The following XIRP2 variants were observed in gnomAD, a reference collection of about 807,000 sequenced individuals.
The protein encoded by XIRP2 is xin actin-binding repeat-containing protein 2.
Under a neutral mutation model 277.0 loss-of-function variants are expected in XIRP2, and 236 were observed. That is an observed-to-expected ratio of 0.85 (90% confidence interval 0.77 to 0.95). The LOEUF (loss-of-function observed/expected upper bound fraction) is 0.95, where lower values mean the gene tolerates loss of function less well. Among genes scored for constraint, XIRP2 ranks in the 40% least tolerant of loss-of-function variants. XIRP2 has a pLI of 0.00. For missense variants in XIRP2, 4,640 were observed against 4,157.5 expected (o/e 1.12, Z -3.19); for synonymous variants, 1,490 against 1,416.5 (o/e 1.05, Z -1.17).
chr2:167,173,657 A>T (rs189313951), intron 3 of XIRP2, among the ~76,000 whole-genome samples: 66 of 152,174 alleles, frequency 4.3e-4, no homozygotes, highest in East Asian at 5.8e-4. Context: ...CAGCAGTGGG[A>T]TTGTTGGATA....
intron 2 of XIRP2, among the ~76,000 whole-genome samples, chr2:166,955,683 A>G (rs1019357574): frequency 7.2e-5 from 11 of 151,860 alleles, no homozygotes; most frequent in Non-Finnish European, 1.6e-4. Context: ...CATCTTTTCT[A>G]TACCCTCGTA....
chr2:167,137,537 A>C (rs565617967), intron 3 of XIRP2, among the ~76,000 whole-genome samples: 1 of 152,316 alleles, frequency 6.6e-6, no homozygotes, highest in East Asian at 1.9e-4. Flanking sequence ...TACATGAGAT[A>C]ATTAACTCCA....
chr2:167,043,662 C>T (rs1294258947), intron 2 of XIRP2, among the ~76,000 whole-genome samples: 1 of 151,896 alleles, frequency 6.6e-6, no homozygotes, highest in Non-Finnish European at 1.5e-5. Flanking sequence ...AATGCCTGAA[C>T]AGACCAATAA....
chr2:166,981,531 C>T (rs952454454), intron 2 of XIRP2, among the ~76,000 whole-genome samples: 25 of 152,202 alleles, frequency 1.6e-4, no homozygotes, highest in Admixed American at 7.2e-4. Flanking sequence ...AAGCAATTCT[C>T]CTGCCTCGGC....
chr2:167,032,491 C>G (rs1312423046), intron 2 of XIRP2, among the ~76,000 whole-genome samples: 2 of 152,058 alleles, frequency 1.3e-5, no homozygotes, highest in African/African-American at 4.8e-5. Flanking sequence ...GCAAAAGAAC[C>G]TATCATCAGA....
At chr2:167,241,731 T>C (rs1406437438) in intron 7 of XIRP2, 46 bp from the exon 8 acceptor site, 3 of 1,557,004 alleles carry the variant, frequency 1.9e-6, no homozygotes, top group Non-Finnish European at 2.6e-6. Context: ...TTAAACATAA[T>C]TTTTAGTAAT....
chr2:167,131,457 A>G (rs920786200), intron 2 of XIRP2, among the ~76,000 whole-genome samples: 4 of 152,102 alleles, frequency 2.6e-5, no homozygotes, highest in African/African-American at 9.7e-5. Context: ...AGTGAGCTCC[A>G]TTCACCATCT....
intron 9 of XIRP2, among the ~76,000 whole-genome samples, 174 bp from the exon 10 acceptor site, chr2:167,253,858 C>G (rs1003617486): frequency 1.3e-5 from 2 of 151,580 alleles, no homozygotes; most frequent in African/African-American, 2.4e-5. Context: ...CCTAGCAGAC[C>G]GTTAAACCTG....
At chr2:167,011,796 G>C (rs896300554) in intron 2 of XIRP2, among the ~76,000 whole-genome samples, 53 of 151,626 alleles carry the variant, frequency 3.5e-4, no homozygotes, top group East Asian at 2.0e-3. Context: ...CTGGTTTAGT[G>C]TTGGGAGGGT....
Position 167,250,115 on chromosome 2 carries a change from A to G in XIRP2, c.8723A>G (p.Gln2908Arg). Residue 2908 changes from glutamine to arginine, a missense_variant, in exon 9 of 11, where the codon CAA becomes CGA. By Grantham distance (43) the Gln-to-Arg change is conservative. Transcript: ENST00000409195. The part of the protein sequence containing the change: ...CLEVKGIQEK[Q>R]VFSNTKDSKQ... Reference sequence around the variant, plus strand: ...GAAGTCAAGGGCATACAAGAGAAACAAGTCTTCTCTAATACTAAAGATTCA... The same window carrying G: ...GAAGTCAAGGGCATACAAGAGAAACGAGTCTTCTCTAATACTAAAGATTCA... 6.2e-7 allele frequency: 1 copy of G among 1,613,360 alleles called. No homozygotes were observed. Among genetic ancestry groups the G allele is most frequent in the Non-Finnish European group, 8.5e-7 (1 of 1,179,652 alleles).
chr2:167,105,938 C>T (rs972465514), intron 2 of XIRP2, among the ~76,000 whole-genome samples: 4 of 151,406 alleles, frequency 2.6e-5, no homozygotes, highest in Non-Finnish European at 5.9e-5. Context: ...TAGTCATTAC[C>T]ATCTGTATAT....
rs371745736 is a variant in XIRP2 at position 167,244,431 on chromosome 2, T to A, written c.3039T>A (p.Asp1013Glu). ...AGCAAGAAGAAATCGTAAGAGGTGA[T>A]GTAAGAAGCTGTAGGTGGCTTTTTG... ...TVQQEEIVRG[D>E]VRSCRWLFET... is the part of the protein sequence containing the mutation. Residue 1013 changes from aspartate (D) to glutamate (E), a missense_variant, in exon 9 of 11, where the codon GAT (aspartate) becomes GAA (glutamate). Coordinates refer to ENST00000409195, the MANE Select transcript of XIRP2 (RefSeq NM_152381.6). The A allele has an allele frequency of 1.9e-6, 3 of 1,613,662 alleles. No individual in the cohort carries two copies. Among genetic ancestry groups the A allele is most frequent in the Non-Finnish European group, 2.5e-6 (3 of 1,179,836 alleles).
chr2:166,963,163 T>C (rs940376909), intron 2 of XIRP2, among the ~76,000 whole-genome samples: 2 of 151,748 alleles, frequency 1.3e-5, no homozygotes, highest in African/African-American at 4.8e-5. Flanking sequence ...AAACAATTTA[T>C]AAATTCTAAA....
At position 166,996,107 on chromosome 2, in the gene XIRP2, G is replaced by A. The variant is rs73970210; in HGVS notation, c.408+92217G>A. ...TCCCACTCCAAGTTGTAGGCTCCTT[G>A]AGGGCAAGGGTTGAATCTTTTTCTT... On this transcript the variant is annotated intron_variant, in intron 2 of 10. Transcript: ENST00000409195. Among the ~76,000 whole-genome samples the A allele has an allele frequency of 6.3e-3, 953 of 152,282 alleles. 15 individuals carry two copies. The highest frequency in any genetic ancestry group is 0.022 in the African/African-American group (903 of 41,554).
chr2:167,088,777 C>G (rs183112459), intron 2 of XIRP2, among the ~76,000 whole-genome samples: 3 of 152,292 alleles, frequency 2.0e-5, no homozygotes, highest in East Asian at 3.9e-4. Context: ...CTTCCCTATA[C>G]TTTATCCCAG....
intron 4 of XIRP2, among the ~76,000 whole-genome samples, chr2:167,214,134 G>GAAGGAAGGAAGGAAGC (rs376588444): frequency 2.0e-4 from 22 of 112,170 alleles, no homozygotes; most frequent in East Asian, 2.7e-4. Context: ...AGGAAGGAAG[G>GAAGGAAGGAAGGAAGC]AAGCAAAGAG....
intron 2 of XIRP2, among the ~76,000 whole-genome samples, chr2:167,026,893 T>C (rs2105496343): frequency 6.6e-6 from 1 of 152,280 alleles, no homozygotes; most frequent in African/African-American, 2.4e-5. Context: ...CTGACGGGCT[T>C]CCCTTTGTGG....
rs1055633105 is a variant in XIRP2, at chr2:166,888,563, A to G, written c.-19+6A>G. ...CTGGGACATGTAGAAAAAAGGTAAG[A>G]TTTTCCTAAGAAAAACCACTTCTTT... On this transcript the variant is annotated splice_donor_region_variant and intron_variant, in intron 1 of 10. Transcript: ENST00000409195. 1 of 152,100 alleles carries G rather than the reference A, an allele frequency of 6.6e-6. No homozygotes were observed. The highest frequency in any genetic ancestry group is 2.4e-5 in the African/African-American group (1 of 41,422). 9.4% of individuals were successfully genotyped at this position (152,100 alleles called of 1,614,324 possible). A position where few individuals can be genotyped will look rare whatever the true frequency, so the allele number is the denominator to read the frequency against.
At chr2:166,983,663 A>T (rs373375985) in intron 2 of XIRP2, among the ~76,000 whole-genome samples, 14 of 152,296 alleles carry the variant, frequency 9.2e-5, no homozygotes, top group African/African-American at 2.2e-4. Flanking sequence ...CAACCTTTCT[A>T]AATTTGACAA....
Sources: allele counts gnomAD v4.1 joint callset (sites outside exome capture counted in the v4.1 genomes callset), GRCh38; gene constraint gnomAD v4.1.1; transcripts MANE v1.5; gene names NCBI Gene and HGNC (gene_info 2026-07-23, HGNC 2026-07-21).